The following RASGRF1 variants were observed in gnomAD, a reference collection of about 807,000 sequenced individuals.
RASGRF1 encodes the protein Ras protein specific guanine nucleotide releasing factor 1.
In RASGRF1, 40 loss-of-function variants were observed where a neutral mutation model predicts 138.7. The ratio of observed to expected loss-of-function variants is 0.29; its 90% CI spans 0.22 to 0.38. RASGRF1 has a LOEUF of 0.38. RASGRF1 is among the 10% of genes least tolerant of loss of function. RASGRF1 has a pLI of 1.00. For synonymous variants in RASGRF1, 614 were observed against 663.2 expected, an observed-to-expected ratio of 0.93 and a Z score of 1.14; for missense variants, 1,108 against 1,650.4, an observed-to-expected ratio of 0.67 and a Z score of 5.69.
chr15:79,028,046 T>C (rs2057085312), intron 8 of RASGRF1, among the ~76,000 whole-genome samples, 187 bp from the exon 9 acceptor site: 1 of 152,194 alleles, frequency 6.6e-6, no homozygotes, highest in African/African-American at 2.4e-5. Flanking sequence ...GGGCACTTCA[T>C]AGGCACGACC....
chr15:79,018,222 G>C (rs1038424061), intron 11 of RASGRF1, among the ~76,000 whole-genome samples: 1 of 152,354 alleles, frequency 6.6e-6, no homozygotes, highest in Middle Eastern at 3.4e-3. Flanking sequence ...ACTTGCCCAA[G>C]GCTCCCAGCA....
At chr15:79,085,076 G>A (rs2057962527) in intron 1 of RASGRF1, among the ~76,000 whole-genome samples, 1 of 152,176 alleles carries the variant, frequency 6.6e-6, no homozygotes, top group African/African-American at 2.4e-5. Context: ...CATTCCAGTG[G>A]GGAGAAGGAT....
chr15:78,995,949 A>T, intron 19 of RASGRF1, 149 bp from the exon 20 acceptor site: 1 of 727,228 alleles, frequency 1.4e-6, no homozygotes, highest in South Asian at 1.8e-5. Flanking sequence ...TTCCTCCTTC[A>T]CTCTTCTTCC....
chr15:79,008,739 G>A (rs918032476), intron 13 of RASGRF1, among the ~76,000 whole-genome samples: 1 of 152,176 alleles, frequency 6.6e-6, no homozygotes, highest in African/African-American at 2.4e-5. Context: ...ACACAGAGTG[G>A]ACAGAGAGGG....
At chr15:79,024,054 C>T (rs1024162019) in intron 10 of RASGRF1, among the ~76,000 whole-genome samples, 1 of 150,112 alleles carries the variant, frequency 6.7e-6, no homozygotes, top group Admixed American at 6.6e-5. Context: ...CACACACACA[C>T]ATACACATAC....
chr15:79,040,252 A>G (rs1444504918), intron 5 of RASGRF1, among the ~76,000 whole-genome samples: 1 of 151,388 alleles, frequency 6.6e-6, no homozygotes, highest in Admixed American at 6.6e-5. Flanking sequence ...CTTCATCCCT[A>G]TATCTACTCC....
chr15:79,069,803 C>T (rs2141075056), intron 1 of RASGRF1, among the ~76,000 whole-genome samples: 1 of 152,354 alleles, frequency 6.6e-6, no homozygotes, highest in East Asian at 1.9e-4. Context: ...CTGCCTTCCT[C>T]ACCCACTGCC....
chr15:79,066,659 C>G (rs1214454899), intron 1 of RASGRF1, among the ~76,000 whole-genome samples: 1 of 152,222 alleles, frequency 6.6e-6, no homozygotes, highest in Non-Finnish European at 1.5e-5. Flanking sequence ...CCAATCAGCC[C>G]TACTGGGTAG....
rs144029229 is a variant in RASGRF1 at position 78,980,561 on chromosome 15, C to T, written c.3494+59G>A. 2.5e-4 allele frequency: 347 copies of T among 1,404,368 alleles called. 1 individual carries two copies. The East Asian group carries it at 6.2e-3, about 25-fold the overall frequency. The allele number at this position is 1,404,368 out of a possible 1,614,324, so 87.0% of individuals were successfully genotyped here. ...TCTGGCTGGGGGCGGCACGTGAATG[C>T]CTCTGCAATGCAGGTCTATGATTTT... On this transcript the variant is annotated intron_variant, in intron 24 of 26. Transcript: ENST00000558480.
intron 26 of RASGRF1, among the ~76,000 whole-genome samples, chr15:78,971,224 T>C (rs2055752271): frequency 6.6e-6 from 1 of 152,228 alleles, no homozygotes; most frequent in African/African-American, 2.4e-5. Flanking sequence ...ACAAAGTATT[T>C]CTTTGTGCCT....
intron 12 of RASGRF1, 69 bp from the exon 13 acceptor site, chr15:79,015,478 G>T: frequency 1.4e-6 from 2 of 1,408,564 alleles, no homozygotes; most frequent in East Asian, 2.3e-5. Context: ...CAGGAGCTCT[G>T]CCAACTGTAA....
intron 14 of RASGRF1, 28 bp from the exon 15 acceptor site, chr15:79,004,203 CAGTT>C (rs780403459): frequency 7.2e-6 from 11 of 1,536,994 alleles, no homozygotes; most frequent in South Asian, 3.7e-5. Flanking sequence ...GTGAAAATGA[CAGTT>C]AGCGTAGGCC....
In RASGRF1 at chr15:79,049,580, G is replaced by A; in HGVS notation, c.540C>T (p.Ser180=). 6.2e-7 allele frequency: 1 copy of A among 1,613,132 alleles called. No individual in the cohort carries two copies. Among genetic ancestry groups the A allele is most frequent in the Non-Finnish European group, 8.5e-7 (1 of 1,179,574 alleles). Residue 180 remains serine (S), a synonymous_variant, in exon 4 of 27, where the codon TCC becomes TCT. Coordinates refer to ENST00000558480, the MANE Select transcript of RASGRF1 (RefSeq NM_001145648.3). ...GGATGCGCTCATTGTCCTTGAGCAG[G>A]GATGTGATCTGCAACAGCAACACAG... is the stretch of plus-strand genomic sequence containing the variant. The part of the protein sequence containing the change: ...EIERLKAEIT[S]LLKDNERIQS...
intron 1 of RASGRF1, among the ~76,000 whole-genome samples, chr15:79,088,296 T>G (rs2058008289): frequency 6.6e-6 from 1 of 152,210 alleles, no homozygotes; most frequent in Non-Finnish European, 1.5e-5. Context: ...TCCAGGTGGG[T>G]ATAATTCAGA....
intron 1 of RASGRF1, among the ~76,000 whole-genome samples, chr15:79,065,794 A>G (rs1323346121): frequency 6.6e-6 from 1 of 151,952 alleles, no homozygotes; most frequent in East Asian, 1.9e-4. Flanking sequence ...CTCGGTGTCC[A>G]GGTGGCAGGG....
chr15:79,020,125 CTG>C (rs1567530281), intron 10 of RASGRF1, 21 bp from the exon 11 acceptor site: 1 of 1,612,616 alleles, frequency 6.2e-7, no homozygotes, highest in Non-Finnish European at 8.5e-7. Flanking sequence ...GCAGCAGGGG[CTG>C]CTTTGGATTG....
intron 20 of RASGRF1, 94 bp from the exon 21 acceptor site, chr15:78,991,888 G>T: frequency 3.2e-5 from 30 of 941,626 alleles, no homozygotes; most frequent in Non-Finnish European, 3.2e-5. Context: ...TCTCGCCCTC[G>T]AATTGGGTGG....
In RASGRF1 at chr15:78,988,839, GTTTT is replaced by G. The variant is rs555940270; in HGVS notation, c.3216+1346_3216+1349del. Among the ~76,000 whole-genome samples the G allele has an allele frequency of 2.8e-3, 356 of 127,076 alleles. 1 individual carries two copies. The highest frequency in any genetic ancestry group is 0.01 in the African/African-American group (346 of 33,228). The allele number at this position is 127,076 out of a possible 152,430, so 83.4% of individuals were successfully genotyped here. On this transcript the variant is annotated intron_variant, in intron 22 of 26. Coordinates refer to ENST00000558480, the MANE Select transcript of RASGRF1 (RefSeq NM_001145648.3). The stretch of plus-strand genomic sequence containing the variant: ...CATGTGGGGAAGTTGCTGGGAGGGA[GTTTT>G]TTTTTTTTTTTTTTCCTCACACAGC...
At chr15:79,028,622 G>GAA (rs2057094742) in intron 8 of RASGRF1, among the ~76,000 whole-genome samples, 1 of 152,158 alleles carries the variant, frequency 6.6e-6, no homozygotes, top group Non-Finnish European at 1.5e-5. Flanking sequence ...TTGCCTTGGT[G>GAA]GGTTTCCAGG....
Sources: gnomAD v4.1 joint callset for allele counts (sites outside exome capture counted in the v4.1 genomes callset) on GRCh38, gnomAD v4.1.1 for gene constraint, MANE v1.5 for transcripts, NCBI Gene and HGNC (gene_info 2026-07-23, HGNC 2026-07-21) for gene names.